The following CSMD3 variants were observed in gnomAD, a reference collection of about 807,000 sequenced individuals.
CSMD3 encodes CUB and Sushi multiple domains 3.
Under a neutral mutation model 435.2 loss-of-function variants are expected in CSMD3, and 177 were observed. That is an observed-to-expected ratio of 0.41 (90% CI 0.36 to 0.46). CSMD3 has a LOEUF of 0.46. Ranked by LOEUF, CSMD3 falls within the 20% of genes least tolerant of loss-of-function variation. The probability of loss-of-function intolerance (pLI) is 0.34; values close to 1 mark genes in which losing one functional copy is unlikely to be tolerated. For synonymous variants in CSMD3, 1,656 were observed against 1,520.5 expected (o/e 1.09, Z -2.07); for missense variants, 4,265 against 4,504.6 (o/e 0.95, Z 1.52).
At chr8:113,325,346 C>T (rs570395001) in intron 1 of CSMD3, among the ~76,000 whole-genome samples, 2 of 152,032 alleles carry the variant, frequency 1.3e-5, no homozygotes, top group African/African-American at 2.4e-5. Context: ...TCATGGGGAC[C>T]CATGCTGTTC....
intron 6 of CSMD3, among the ~76,000 whole-genome samples, chr8:112,990,553 G>T (rs899850076): frequency 7.9e-5 from 12 of 151,732 alleles, no homozygotes; most frequent in Admixed American, 7.3e-4. Context: ...ACTAAAACCA[G>T]AACAATGAAT....
rs1020000731 is a variant in CSMD3 at position 112,550,395 on chromosome 8, AT to A, written c.4564+275del. On this transcript the variant is annotated intron_variant, in intron 27 of 70. Transcript: ENST00000297405. ...CCAGATTATAAGCTTTTGTGATGTA[AT>A]TTTTTTTTTAGCTGAGTAATTTAAC... is the stretch of plus-strand genomic sequence containing the variant. 7.2e-3 allele frequency among the ~76,000 whole-genome samples: 1,066 copies of A among 148,916 alleles called. 10 individuals carry two copies. Among genetic ancestry groups the A allele is most frequent in the African/African-American group, 0.021 (869 of 40,754 alleles).
intron 27 of CSMD3, among the ~76,000 whole-genome samples, chr8:112,550,395 A>T (rs1827573606): frequency 6.7e-6 from 1 of 148,982 alleles, no homozygotes; most frequent in East Asian, 2.0e-4. Flanking sequence ...TTGTGATGTA[A>T]TTTTTTTTTT....
At chr8:112,593,418 G>A (rs1191503335) in intron 22 of CSMD3, among the ~76,000 whole-genome samples, 1 of 152,132 alleles carries the variant, frequency 6.6e-6, no homozygotes, top group South Asian at 2.1e-4. Flanking sequence ...GTTCGATGTG[G>A]GGGCATGAAA....
At chr8:112,341,090 C>G (rs139541724) in intron 42 of CSMD3, among the ~76,000 whole-genome samples, 1 of 152,012 alleles carries the variant, frequency 6.6e-6, no homozygotes, top group Non-Finnish European at 1.5e-5. Flanking sequence ...AGTAAAAGAA[C>G]ATTTTACATA....
At chr8:112,383,398 C>G (rs1829648584) in intron 37 of CSMD3, among the ~76,000 whole-genome samples, 169 bp downstream of exon 37, 2 of 152,204 alleles carry the variant, frequency 1.3e-5, no homozygotes, top group Middle Eastern at 3.4e-3. Context: ...TTTTAAATAT[C>G]AATATTGATA....
rs146607040 is a variant in CSMD3 at position 112,349,644 on chromosome 8, T to G, written c.6325+1531A>C. 4.2e-3 allele frequency among the ~76,000 whole-genome samples: 640 copies of G among 152,238 alleles called. 9 individuals are homozygous for G. Among genetic ancestry groups the G allele is most frequent in the African/African-American group, 0.015 (607 of 41,556 alleles). ...CCATTATCTGCACATATGTAAGTGTTCAGAATTGCATTACATGTATATATA... is the reference window on the plus strand; with the variant it reads ...CCATTATCTGCACATATGTAAGTGTGCAGAATTGCATTACATGTATATATA... On this transcript the variant is annotated intron_variant, in intron 40 of 70. Coordinates refer to ENST00000297405, the MANE Select transcript of CSMD3 (RefSeq NM_198123.2).
intron 35 of CSMD3, among the ~76,000 whole-genome samples, chr8:112,403,705 C>T (rs1050093039): frequency 6.6e-6 from 1 of 151,968 alleles, no homozygotes; most frequent in Non-Finnish European, 1.5e-5. Context: ...AAAGGCCCCA[C>T]TTCTTAATAC....
intron 59 of CSMD3, among the ~76,000 whole-genome samples, chr8:112,265,997 G>C (rs1586590681): frequency 1.3e-5 from 2 of 152,154 alleles, no homozygotes; most frequent in South Asian, 4.2e-4. Context: ...CAGGCATGCT[G>C]GATGGAGAGC....
intron 9 of CSMD3, among the ~76,000 whole-genome samples, chr8:112,931,039 T>C (rs975549030): frequency 1.3e-5 from 2 of 152,202 alleles, no homozygotes; most frequent in South Asian, 2.1e-4. Context: ...GAGAAAAATT[T>C]TGAGTAGAAT....
intron 6 of CSMD3, among the ~76,000 whole-genome samples, chr8:112,986,538 A>C (rs1209794437): frequency 6.6e-6 from 1 of 152,114 alleles, no homozygotes; most frequent in African/African-American, 2.4e-5. Flanking sequence ...TTTATTCCAA[A>C]TATATTTAAG....
intron 13 of CSMD3, among the ~76,000 whole-genome samples, chr8:112,799,074 T>C (rs1324959870): frequency 6.6e-6 from 1 of 151,892 alleles, no homozygotes; most frequent in Non-Finnish European, 1.5e-5. Flanking sequence ...CCTTGTTTTA[T>C]TTACTGGGGA....
rs184961431 is a variant in CSMD3 at position 113,010,392 on chromosome 8, A to T, written c.1030+8675T>A. 5.9e-3 allele frequency among the ~76,000 whole-genome samples: 898 copies of T among 151,944 alleles called. 4 individuals carry two copies. The highest frequency in any genetic ancestry group is 0.019 in the African/African-American group (800 of 41,534). The stretch of plus-strand genomic sequence containing the variant: ...GACTTTTATTCTAGAAGAGATTGGC[A>T]AATTTTAAGTTTATTCTCTTATCAG... On this transcript the variant is annotated intron_variant, in intron 6 of 70. Coordinates refer to ENST00000297405, the MANE Select transcript of CSMD3 (RefSeq NM_198123.2).
At chr8:113,307,622 T>C (rs979864657) in intron 2 of CSMD3, among the ~76,000 whole-genome samples, 1 of 152,192 alleles carries the variant, frequency 6.6e-6, no homozygotes, top group Non-Finnish European at 1.5e-5. Flanking sequence ...TTGCAATGCA[T>C]GTATTTGTCA....
chr8:112,450,577 A>C (rs1301514023), intron 32 of CSMD3, among the ~76,000 whole-genome samples: 1 of 152,198 alleles, frequency 6.6e-6, no homozygotes, highest in Non-Finnish European at 1.5e-5. Flanking sequence ...AGACCAGTAC[A>C]AACCTTACAT....
rs528422826 is a variant in CSMD3 at position 112,947,349 on chromosome 8, G to A, written c.1508+441C>T. Reference sequence around the variant, plus strand: ...TATAATTACACAATACAAATAAGATGTTTATAGAACATTTGCTGGAAGGTT... The same window carrying A: ...TATAATTACACAATACAAATAAGATATTTATAGAACATTTGCTGGAAGGTT... On this transcript the variant is annotated intron_variant, in intron 9 of 70. Transcript: ENST00000297405. Among the ~76,000 whole-genome samples the A allele has an allele frequency of 7.9e-5, 12 of 151,790 alleles. No individual in the cohort carries two copies. In the South Asian group the frequency reaches 1.9e-3, roughly 24 times the overall value.
At chr8:112,320,441 A>T (rs947640525) in intron 45 of CSMD3, among the ~76,000 whole-genome samples, 1 of 152,044 alleles carries the variant, frequency 6.6e-6, no homozygotes, top group African/African-American at 2.4e-5. Flanking sequence ...CTCAATCCTC[A>T]CAAAAAAAAT....
At chr8:112,908,111 C>A (rs1323923191) in intron 10 of CSMD3, among the ~76,000 whole-genome samples, 1 of 151,340 alleles carries the variant, frequency 6.6e-6, no homozygotes, top group Admixed American at 6.6e-5. Flanking sequence ...CATTGAATAC[C>A]TTTTCTACCA....
intron 59 of CSMD3, among the ~76,000 whole-genome samples, chr8:112,272,883 G>A (rs938946006): frequency 4.0e-5 from 6 of 151,852 alleles, no homozygotes; most frequent in Admixed American, 1.3e-4. Flanking sequence ...TTTTATTTAC[G>A]CTTTTGGTTT....
Sources: gnomAD v4.1 joint callset for allele counts (sites outside exome capture counted in the v4.1 genomes callset) on GRCh38, gnomAD v4.1.1 for gene constraint, MANE v1.5 for transcripts, NCBI Gene and HGNC (gene_info 2026-07-23, HGNC 2026-07-21) for gene names.